Variants in EHBP1 observed in about 807,000 individuals in gnomAD.
EHBP1 encodes the protein EH domain-binding protein 1.
A neutral mutation model predicts 144.0 loss-of-function variants in EHBP1; 55 were observed. The ratio of observed to expected loss-of-function variants is 0.38; its 90% CI spans 0.31 to 0.48. EHBP1 has a LOEUF of 0.48. EHBP1 is among the 20% of genes least tolerant of loss of function. The pLI, the probability that EHBP1 is intolerant of heterozygous loss-of-function variation, is 0.98. For synonymous variants in EHBP1, 469 were observed against 472.7 expected (o/e 0.99, Z 0.10); for missense variants, 1,200 against 1,364.2 (o/e 0.88, Z 1.90).
At chr2:62,960,537 C>T (rs556161780) in intron 14 of EHBP1, among the ~76,000 whole-genome samples, 126 of 152,152 alleles carry the variant, frequency 8.3e-4, no homozygotes, top group Admixed American at 1.4e-3. Flanking sequence ...TTACAAATCT[C>T]TTCCTCTCAT....
At chr2:62,674,428 G>C (rs1224044410) in intron 1 of EHBP1, among the ~76,000 whole-genome samples, 1 of 152,178 alleles carries the variant, frequency 6.6e-6, no homozygotes, top group East Asian at 1.9e-4. Context: ...CTTTATATTA[G>C]CATCAGTGCT....
chr2:62,844,024 C>T (rs1315965752), intron 7 of EHBP1, among the ~76,000 whole-genome samples: 1 of 152,094 alleles, frequency 6.6e-6, no homozygotes, highest in Admixed American at 6.5e-5. Flanking sequence ...AGTGCAATTG[C>T]ATTATATCAC....
chr2:62,986,731 CCAGT>C (rs1334730599), intron 15 of EHBP1, among the ~76,000 whole-genome samples: 1 of 152,014 alleles, frequency 6.6e-6, no homozygotes, highest in Non-Finnish European at 1.5e-5. Context: ...GCCACCGCAC[CCAGT>C]CAATCTTTTT....
At chr2:62,914,680 GGT>G (rs2054471016) in intron 10 of EHBP1, among the ~76,000 whole-genome samples, 1 of 151,830 alleles carries the variant, frequency 6.6e-6, no homozygotes, top group African/African-American at 2.4e-5. Flanking sequence ...AACTGAGTAA[GGT>G]AATTAAAAAT....
intron 19 of EHBP1, among the ~76,000 whole-genome samples, chr2:63,015,893 C>T (rs1043797029): frequency 2.6e-5 from 4 of 152,062 alleles, no homozygotes; most frequent in African/African-American, 9.7e-5. Context: ...ACCCAGTTGA[C>T]ATCTACTCAT....
intron 10 of EHBP1, among the ~76,000 whole-genome samples, chr2:62,894,056 A>C (rs1174593634): frequency 2.0e-5 from 3 of 152,100 alleles, no homozygotes; most frequent in African/African-American, 7.2e-5. Context: ...AAAAAAAAAA[A>C]AAAACAGCAA....
rs1179901657 is a variant in EHBP1, at chr2:62,948,540, C to G, written c.1694C>G (p.Pro565Arg). ...AAGCGGGAGCCTGAACTACAACAGC[C>G]TATCAGCGGAGCAGTAGACTTCTTA... ...DLKREPELQQ[P>R]ISGAVDFLSQ... Residue 565 changes from proline (P) to arginine (R), a missense_variant, in exon 13 of 23, where the codon CCT becomes CGT. Pro to Arg is a moderately radical substitution (Grantham distance 103, BLOSUM62 -2). Coordinates refer to ENST00000431489, the MANE Select transcript of EHBP1 (RefSeq NM_001142616.3). 7 of 1,613,978 alleles carry G rather than the reference C, an allele frequency of 4.3e-6. No homozygotes were observed. Among genetic ancestry groups the G allele is most frequent in the Non-Finnish European group, 5.9e-6 (7 of 1,179,990 alleles).
intron 5 of EHBP1, among the ~76,000 whole-genome samples, chr2:62,779,495 A>G (rs1168506695): frequency 6.6e-6 from 1 of 152,190 alleles, no homozygotes; most frequent in Non-Finnish European, 1.5e-5. Context: ...CTGAATGGCA[A>G]GAAAATTCAT....
chr2:62,770,886 C>T (rs1230945037), intron 4 of EHBP1, among the ~76,000 whole-genome samples: 1 of 152,144 alleles, frequency 6.6e-6, no homozygotes, highest in Non-Finnish European at 1.5e-5. Context: ...TATTATCCTT[C>T]ACATACTGTT....
chr2:62,868,906 A>G (rs1430975904), intron 9 of EHBP1, among the ~76,000 whole-genome samples: 1 of 152,134 alleles, frequency 6.6e-6, no homozygotes, highest in Non-Finnish European at 1.5e-5. Context: ...GTGAGCTATG[A>G]TCACTCCATT....
intron 5 of EHBP1, among the ~76,000 whole-genome samples, chr2:62,813,163 C>G (rs944725524): frequency 7.2e-5 from 11 of 152,172 alleles, no homozygotes; most frequent in Admixed American, 2.6e-4. Context: ...GTATTCTGTT[C>G]CCTGAATTCC....
At position 62,885,404 on chromosome 2, in the gene EHBP1, A is replaced by G. The variant is rs944542460; in HGVS notation, c.1185+10872A>G. Among the ~76,000 whole-genome samples the G allele has an allele frequency of 7.2e-5, 11 of 152,340 alleles. No individual in the cohort carries two copies. The South Asian group carries it at 2.3e-3, about 32-fold the overall frequency. ...AGAAAACCACAATATTTTTAAAAAA[A>G]CAGCTTAAGAAAAAAGATCAATGTT... is the stretch of plus-strand genomic sequence containing the variant. On this transcript the variant is annotated intron_variant, in intron 10 of 22. Coordinates refer to ENST00000431489, the MANE Select transcript of EHBP1 (RefSeq NM_001142616.3).
intron 10 of EHBP1, among the ~76,000 whole-genome samples, chr2:62,898,405 G>GT (rs2053116658): frequency 6.6e-6 from 1 of 152,074 alleles, no homozygotes; most frequent in South Asian, 2.1e-4. Flanking sequence ...AAATTGTTTT[G>GT]TTTTGTGCAT....
chr2:62,737,699 G>A (rs1472169164), intron 2 of EHBP1, among the ~76,000 whole-genome samples: 1 of 152,080 alleles, frequency 6.6e-6, no homozygotes, highest in African/African-American at 2.4e-5. Context: ...AGTCCCACCA[G>A]CAATGTATGA....
intron 10 of EHBP1, among the ~76,000 whole-genome samples, chr2:62,930,682 C>G (rs901176213): frequency 3.3e-5 from 5 of 152,032 alleles, no homozygotes; most frequent in African/African-American, 1.2e-4. Flanking sequence ...GACATATAGA[C>G]CAACAATGGA....
At chr2:62,677,989 G>T (rs756600262) in intron 1 of EHBP1, among the ~76,000 whole-genome samples, 19 of 152,116 alleles carry the variant, frequency 1.2e-4, no homozygotes, top group Non-Finnish European at 2.6e-4. Flanking sequence ...TTCCTTTGGG[G>T]TATATACCTA....
chr2:62,977,190 A>G (rs1250407707), intron 14 of EHBP1, among the ~76,000 whole-genome samples: 5 of 151,708 alleles, frequency 3.3e-5, no homozygotes, highest in East Asian at 1.9e-4. Flanking sequence ...AAAAAAAGAC[A>G]TATGCATAAA....
Position 62,768,137 on chromosome 2 carries a change from C to G in EHBP1, c.259-3202C>G, listed in dbSNP as rs191644234. Among the ~76,000 whole-genome samples the G allele has an allele frequency of 2.0e-5, 3 of 152,176 alleles. No individual in the cohort carries two copies. In the East Asian group the frequency reaches 5.8e-4, roughly 29 times the overall value. On this transcript the variant is annotated intron_variant, in intron 4 of 22. Coordinates refer to ENST00000431489, the MANE Select transcript of EHBP1 (RefSeq NM_001142616.3). ...AATTAGAGAAGCAAGGACAAATCAACTCCAAAGCTGGCAGAAGACAAGCAG... is the reference window on the plus strand; with the variant it reads ...AATTAGAGAAGCAAGGACAAATCAAGTCCAAAGCTGGCAGAAGACAAGCAG...
At position 62,705,932 on chromosome 2, in the gene EHBP1, C is replaced by A; in HGVS notation, c.-416C>A. 1 of 165,636 alleles carries A rather than the reference C, an allele frequency of 6.0e-6. No individual in the cohort carries two copies. Among genetic ancestry groups the A allele is most frequent in the South Asian group, 1.2e-4 (1 of 8,556 alleles). 10.3% of individuals were successfully genotyped at this position (165,636 alleles called of 1,614,324 possible). On this transcript the variant is annotated 5_prime_UTR_variant, in exon 1 of 23. Transcript: ENST00000431489. ...GAGCGCCGTGGCTGGCTTGGCTGTT[C>A]CATGTGGCTCCGGCGGGGATGGAGG... is the stretch of plus-strand genomic sequence containing the variant.
Sources: allele counts gnomAD v4.1 joint callset (sites outside exome capture counted in the v4.1 genomes callset), GRCh38; gene constraint gnomAD v4.1.1; transcripts MANE v1.5; gene names NCBI Gene and HGNC (gene_info 2026-07-23, HGNC 2026-07-21).